ATF6: variants seen among roughly 807,000 people sequenced by gnomAD.
The protein encoded by ATF6 is activating transcription factor 6.
ATF6 carries 53 observed loss-of-function variants against 83.6 expected under a neutral mutation model. The ratio of observed to expected loss-of-function variants is 0.63; its 90% confidence interval spans 0.51 to 0.80. ATF6 has a LOEUF of 0.80. Among genes scored for constraint, ATF6 ranks in the 30% least tolerant of loss-of-function variants. The pLI is 0.00. For missense variants in ATF6, 744 were observed against 797.9 expected, an observed-to-expected ratio of 0.93 and a Z score of 0.81; for synonymous variants, 288 against 285.8, an observed-to-expected ratio of 1.01 and a Z score of -0.08.
intron 8 of ATF6, 130 bp from the exon 9 acceptor site, chr1:161,820,940 T>TTA (rs1685744117): frequency 4.2e-6 from 2 of 475,986 alleles, no homozygotes; most frequent in East Asian, 7.4e-5. Flanking sequence ...TTTTTTTTTT[T>TTA]AAATAAGACA....
chr1:161,887,544 G>A (rs920814978), intron 14 of ATF6, among the ~76,000 whole-genome samples: 13 of 152,164 alleles, frequency 8.5e-5, no homozygotes, highest in African/African-American at 2.9e-4. Context: ...TCTAGATTTA[G>A]TCCCACTAAT....
At chr1:161,887,351 A>T (rs1428169940) in intron 14 of ATF6, among the ~76,000 whole-genome samples, 1 of 152,020 alleles carries the variant, frequency 6.6e-6, no homozygotes, top group Admixed American at 6.6e-5. Context: ...AAGTGCTGGG[A>T]TTACAGGCTT....
chr1:161,815,390 T>C (rs1407639891), intron 7 of ATF6, among the ~76,000 whole-genome samples: 1 of 151,522 alleles, frequency 6.6e-6, no homozygotes, highest in Non-Finnish European at 1.5e-5. Context: ...GAGGTCTTCC[T>C]ATGTTTCCCA....
intron 14 of ATF6, among the ~76,000 whole-genome samples, chr1:161,907,299 G>A (rs1687895103): frequency 6.6e-6 from 1 of 152,168 alleles, no homozygotes; most frequent in East Asian, 1.9e-4. Flanking sequence ...CAGGGACATA[G>A]GTTAGAGAAA....
chr1:161,884,041 G>A (rs895343554), intron 14 of ATF6, among the ~76,000 whole-genome samples: 2 of 152,006 alleles, frequency 1.3e-5, no homozygotes, highest in African/African-American at 4.8e-5. Flanking sequence ...GAATTTCTGT[G>A]CATATATGGT....
intron 2 of ATF6, among the ~76,000 whole-genome samples, chr1:161,781,668 T>C (rs1455222222): frequency 1.3e-5 from 2 of 152,230 alleles, no homozygotes; most frequent in Admixed American, 6.5e-5. Flanking sequence ...GCCAACTAAA[T>C]GTTTTAAATA....
At chr1:161,957,193 T>C (rs1571263376) in intron 15 of ATF6, among the ~76,000 whole-genome samples, 2 of 151,796 alleles carry the variant, frequency 1.3e-5, no homozygotes, top group African/African-American at 4.8e-5. Flanking sequence ...AAAAGTAGAA[T>C]AGAAAGAATT....
chr1:161,807,415 TAATG>T (rs1419682893), intron 7 of ATF6, among the ~76,000 whole-genome samples: 1 of 152,204 alleles, frequency 6.6e-6, no homozygotes, highest in East Asian at 1.9e-4. Flanking sequence ...AGAAGATAAA[TAATG>T]AATAGGCACT....
intron 15 of ATF6, among the ~76,000 whole-genome samples, chr1:161,934,807 T>A (rs1041311761): frequency 2.0e-5 from 3 of 152,194 alleles, no homozygotes; most frequent in African/African-American, 4.8e-5. Context: ...AGGTAACCCA[T>A]GTTTTCCTAG....
At chr1:161,928,048 TTAC>T (rs1688352904) in intron 15 of ATF6, among the ~76,000 whole-genome samples, 1 of 152,204 alleles carries the variant, frequency 6.6e-6, no homozygotes, top group African/African-American at 2.4e-5. Flanking sequence ...GTTAAGTATA[TTAC>T]TGGGTTCTTT....
chr1:161,939,355 G>T (rs1688600201), intron 15 of ATF6, among the ~76,000 whole-genome samples: 1 of 152,122 alleles, frequency 6.6e-6, no homozygotes, highest in Admixed American at 6.5e-5. Flanking sequence ...TAGGGTACAT[G>T]TGCACAACGT....
In ATF6 at chr1:161,819,797, G is replaced by T. The variant is rs1571159626; in HGVS notation, c.1074G>T (p.Gln358His). 3.7e-6 allele frequency: 6 copies of T among 1,609,330 alleles called. No homozygotes were observed. Among genetic ancestry groups the T allele is most frequent in the East Asian group, 2.2e-5 (1 of 44,452 alleles). Reference protein sequence around the residue: ...LKKENGTLKRQLDEVVSENQR... With the variant: ...LKKENGTLKRHLDEVVSENQR... ...AAGAAAATGGAACACTGAAGCGGCA[G>T]CTGGATGAAGTTGTGTCAGAGGTAA... The change falls in exon 8 of 16, where the codon CAG becomes CAT. Residue 358 changes from glutamine (Q) to histidine (H), a missense_variant. Physicochemically the swap from Gln to His is conservative, Grantham distance 24. Transcript: ENST00000367942.
Position 161,806,804 on chromosome 1 carries a change from T to C in ATF6, c.909+4532T>C, listed in dbSNP as rs74474364. ...ATCCTTTGCTACTGGTTTGCAGGTA[T>C]TAGAAATGGTGCGAAGGGGATTCTC... is the stretch of plus-strand genomic sequence containing the variant. On this transcript the variant is annotated intron_variant, in intron 7 of 15. Transcript: ENST00000367942. Among the ~76,000 whole-genome samples, 1,103 of 152,240 alleles carry C rather than the reference T, an allele frequency of 7.2e-3. 11 individuals are homozygous for C. The highest frequency in any genetic ancestry group is 0.025 in the African/African-American group (1,049 of 41,536).
chr1:161,816,789 A>G (rs2101778720), intron 7 of ATF6, among the ~76,000 whole-genome samples: 1 of 152,290 alleles, frequency 6.6e-6, no homozygotes, highest in East Asian at 1.9e-4. Flanking sequence ...CTTATATAGG[A>G]AAATACCCAC....
intron 15 of ATF6, among the ~76,000 whole-genome samples, chr1:161,929,279 A>G (rs1003265056): frequency 6.6e-6 from 1 of 152,192 alleles, no homozygotes; most frequent in Non-Finnish European, 1.5e-5. Flanking sequence ...GGTAAACAAA[A>G]ACAAAGTCCT....
intron 14 of ATF6, among the ~76,000 whole-genome samples, chr1:161,887,796 TA>T (rs1687459000): frequency 6.6e-6 from 1 of 152,184 alleles, no homozygotes; most frequent in East Asian, 1.9e-4. Flanking sequence ...TAAGTATTCC[TA>T]AAAGAAGAGT....
chr1:161,833,657 C>T lies in ATF6; in HGVS notation c.1187+12496C>T, dbSNP rs546633094. On this transcript the variant is annotated intron_variant, in intron 9 of 15. Coordinates refer to ENST00000367942, the MANE Select transcript of ATF6 (RefSeq NM_007348.4). ...GATCAACTGGAAGAAAGGGTATCAG[C>T]GATGGAAGACGAAGTGAATGAAATG... Among the ~76,000 whole-genome samples the T allele has an allele frequency of 1.4e-4, 21 of 151,952 alleles. No homozygotes were observed. The East Asian group carries it at 3.5e-3, about 25-fold the overall frequency.
chr1:161,912,204 C>G, intron 14 of ATF6, 92 bp from the exon 15 acceptor site: 1 of 693,240 alleles, frequency 1.4e-6, no homozygotes, highest in South Asian at 2.7e-5. Context: ...ATCATCCCAA[C>G]GAAATATTGA....
intron 15 of ATF6, among the ~76,000 whole-genome samples, chr1:161,947,036 G>A (rs1157903936): frequency 3.3e-5 from 5 of 152,188 alleles, no homozygotes; most frequent in Admixed American, 1.3e-4. Context: ...TCCATTTTCC[G>A]AGAGAAATAG....
Sources: gnomAD v4.1 joint callset for allele counts (sites outside exome capture counted in the v4.1 genomes callset) on GRCh38, gnomAD v4.1.1 for gene constraint, MANE v1.5 for transcripts, NCBI Gene and HGNC (gene_info 2026-07-23, HGNC 2026-07-21) for gene names.